Variants in ANGPT1 observed in about 807,000 individuals in gnomAD.
ANGPT1 encodes angiopoietin-1.
Under a neutral mutation model 62.2 loss-of-function variants are expected in ANGPT1, and 17 were observed. That is an observed-to-expected ratio of 0.27 (90% CI 0.19 to 0.41). ANGPT1 has a LOEUF of 0.41. Among genes scored for constraint, ANGPT1 ranks in the 10% least tolerant of loss-of-function variants. The pLI is 1.00. For synonymous variants in ANGPT1, 199 were observed against 198.9 expected, an observed-to-expected ratio of 1.00 and a Z score of 0.00; for missense variants, 478 against 594.9, an observed-to-expected ratio of 0.80 and a Z score of 2.04.
chr8:107,265,661 A>AC (rs1034170434), intron 7 of ANGPT1, among the ~76,000 whole-genome samples: 1 of 152,048 alleles, frequency 6.6e-6, no homozygotes, highest in African/African-American at 2.4e-5. Flanking sequence ...ATAGGTCACC[A>AC]CCTGTATGCC....
At chr8:107,434,164 G>C (rs1811275804) in intron 1 of ANGPT1, among the ~76,000 whole-genome samples, 1 of 152,206 alleles carries the variant, frequency 6.6e-6, no homozygotes, top group Non-Finnish European at 1.5e-5. Context: ...TCTAAGTAGA[G>C]AGAAAAGGTA....
At chr8:107,401,482 C>G (rs895914379) in intron 1 of ANGPT1, among the ~76,000 whole-genome samples, 4 of 152,098 alleles carry the variant, frequency 2.6e-5, no homozygotes, top group Admixed American at 2.6e-4. Context: ...ATTTTGGTAG[C>G]CTTTATGCTG....
At chr8:107,438,497 C>T (rs1195619239) in intron 1 of ANGPT1, among the ~76,000 whole-genome samples, 1 of 151,944 alleles carries the variant, frequency 6.6e-6, no homozygotes, top group African/African-American at 2.4e-5. Context: ...AAATATGTTC[C>T]TAGTAGAAAG....
At chr8:107,323,101 T>C (rs1815194454) in intron 3 of ANGPT1, among the ~76,000 whole-genome samples, 1 of 152,206 alleles carries the variant, frequency 6.6e-6, no homozygotes, top group African/African-American at 2.4e-5. Context: ...AGTGTTGAAA[T>C]CTTTAACTGA....
intron 4 of ANGPT1, among the ~76,000 whole-genome samples, chr8:107,315,858 T>G (rs1349133870): frequency 6.6e-6 from 1 of 152,154 alleles, no homozygotes; most frequent in Non-Finnish European, 1.5e-5. Context: ...GACCCCTACA[T>G]GAATAAGAGC....
chr8:107,453,542 A>T (rs1461781631), intron 1 of ANGPT1, among the ~76,000 whole-genome samples: 1 of 152,076 alleles, frequency 6.6e-6, no homozygotes, highest in Non-Finnish European at 1.5e-5. Context: ...TCACAAGAAC[A>T]GCATGGGAAA....
At chr8:107,460,366 TAAA>T (rs1386354087) in intron 1 of ANGPT1, among the ~76,000 whole-genome samples, 1 of 152,002 alleles carries the variant, frequency 6.6e-6, no homozygotes, top group Non-Finnish European at 1.5e-5. Flanking sequence ...TTGGGAGAAT[TAAA>T]AAAGAAAAGG....
chr8:107,449,479 A>G (rs376825735), intron 1 of ANGPT1, among the ~76,000 whole-genome samples: 99 of 151,878 alleles, frequency 6.5e-4, no homozygotes, highest in African/African-American at 2.3e-3. Flanking sequence ...CAGGTCCTCA[A>G]ATCAACAGTT....
At chr8:107,477,080 T>A (rs1247004278) in intron 1 of ANGPT1, among the ~76,000 whole-genome samples, 2 of 152,158 alleles carry the variant, frequency 1.3e-5, no homozygotes, top group African/African-American at 4.8e-5. Context: ...CTACTACTGT[T>A]TATGCCTATG....
Position 107,452,893 on chromosome 8 carries a change from AT to A in ANGPT1, c.297+44368del, listed in dbSNP as rs1811816837. 3.3e-5 allele frequency among the ~76,000 whole-genome samples: 5 copies of A among 152,194 alleles called. No homozygotes were observed. The South Asian group carries it at 1.0e-3, about 31-fold the overall frequency. On this transcript the variant is annotated intron_variant, in intron 1 of 8. Transcript: ENST00000517746. ...CCTCATGGAAATCTCCATTCACAAG[AT>A]TTTCACTAAACACACACTAGACATT...
intron 1 of ANGPT1, among the ~76,000 whole-genome samples, chr8:107,424,722 T>C (rs570832910): frequency 6.6e-5 from 10 of 152,340 alleles, no homozygotes; most frequent in Admixed American, 6.5e-4. Context: ...ATGAATGTTA[T>C]GATGACTGCT....
intron 1 of ANGPT1, among the ~76,000 whole-genome samples, chr8:107,458,763 A>G (rs1409159683): frequency 6.6e-6 from 1 of 152,204 alleles, no homozygotes; most frequent in African/African-American, 2.4e-5. Flanking sequence ...GAGGTCTAAC[A>G]TTAATTGAAC....
intron 1 of ANGPT1, among the ~76,000 whole-genome samples, chr8:107,387,980 C>T (rs886838251): frequency 1.3e-5 from 2 of 151,774 alleles, no homozygotes; most frequent in African/African-American, 4.8e-5. Context: ...TTTGGTCGAC[C>T]TATTTAAGAG....
chr8:107,389,372 C>T lies in ANGPT1; in HGVS notation c.298-42275G>A, dbSNP rs746413595. Among the ~76,000 whole-genome samples the T allele has an allele frequency of 5.9e-5, 9 of 151,990 alleles. No individual in the cohort carries two copies. The South Asian group carries it at 6.2e-4, about 11-fold the overall frequency. On this transcript the variant is annotated intron_variant, in intron 1 of 8. Coordinates refer to ENST00000517746, the MANE Select transcript of ANGPT1 (RefSeq NM_001146.5). Reference sequence around the variant, plus strand: ...CTGCCATGCATAACATGTGGGAGTGCGGTTATCCAAAGTTAGATTAGCCTG... The same window carrying T: ...CTGCCATGCATAACATGTGGGAGTGTGGTTATCCAAAGTTAGATTAGCCTG...
At chr8:107,301,810 A>G (rs1409158134) in intron 5 of ANGPT1, among the ~76,000 whole-genome samples, 2 of 151,940 alleles carry the variant, frequency 1.3e-5, no homozygotes, top group Admixed American at 6.6e-5. Flanking sequence ...GAAACCATTT[A>G]GAGCTAACAT....
intron 7 of ANGPT1, among the ~76,000 whole-genome samples, chr8:107,282,342 T>C (rs926512766): frequency 6.6e-5 from 10 of 151,304 alleles, no homozygotes; most frequent in African/African-American, 2.4e-4. Flanking sequence ...AGAAACCACA[T>C]TGAATGAGGC....
intron 7 of ANGPT1, among the ~76,000 whole-genome samples, chr8:107,268,535 G>A (rs1813667608): frequency 6.6e-6 from 1 of 151,370 alleles, no homozygotes; most frequent in Non-Finnish European, 1.5e-5. Context: ...ACATGAGCAA[G>A]GCATTATGCA....
intron 1 of ANGPT1, among the ~76,000 whole-genome samples, chr8:107,481,532 C>CAAAAAAAAAAAAAAAAAAAAAAAAAAAA (rs71562147): frequency 1.6e-5 from 1 of 64,334 alleles, no homozygotes; most frequent in African/African-American, 6.6e-5. Flanking sequence ...GACTCTGTCT[C>CAAAAAAAAAAAAAAAAAAAAAAAAAAAA]AAAAAAAAAA....
chr8:107,346,937 T>A lies in ANGPT1; in HGVS notation c.453+5A>T. The A allele has an allele frequency of 6.2e-7, 1 of 1,607,140 alleles. No homozygotes were observed. The highest frequency in any genetic ancestry group is 8.5e-7 in the Non-Finnish European group (1 of 1,176,746). Reference sequence around the variant, plus strand: ...GAGTCTGTGGACTCTGGCCCTGGGGTGTACCTGGGTCTCAACATCTGTCAG... The same window carrying A: ...GAGTCTGTGGACTCTGGCCCTGGGGAGTACCTGGGTCTCAACATCTGTCAG... On this transcript the variant is annotated splice_donor_5th_base_variant and intron_variant, in intron 2 of 8. Transcript: ENST00000517746.
Sources: gnomAD v4.1 joint callset for allele counts (sites outside exome capture counted in the v4.1 genomes callset) on GRCh38, gnomAD v4.1.1 for gene constraint, MANE v1.5 for transcripts, NCBI Gene and HGNC (gene_info 2026-07-23, HGNC 2026-07-21) for gene names.